The following DIDO1 variants were observed in gnomAD, a reference collection of about 807,000 sequenced individuals.
DIDO1 encodes death-inducer obliterator 1.
Under a neutral mutation model 99.4 loss-of-function variants are expected in DIDO1, and 16 were observed. That is an observed-to-expected ratio of 0.16 (90% confidence interval 0.11 to 0.24). The LOEUF is 0.24. Ranked by LOEUF, DIDO1 falls within the 10% of genes least tolerant of loss-of-function variation. The pLI is 1.00. For missense variants in DIDO1, 2,996 were observed against 3,014.0 expected, an observed-to-expected ratio of 0.99 and a Z score of 0.14; for synonymous variants, 1,366 against 1,239.1, an observed-to-expected ratio of 1.10 and a Z score of -2.15.
In DIDO1 at chr20:62,910,703, T is replaced by G. The variant is rs970717027; in HGVS notation, c.839+71A>C. ...TCATCCAGCCCAGCTTTGTAACCCT[T>G]TAAAATGAAAACAAATGGAAAATTC... is the stretch of plus-strand genomic sequence containing the variant. On this transcript the variant is annotated intron_variant, in intron 3 of 15. Transcript: ENST00000395343. 3 of 1,528,820 alleles carry G rather than the reference T, an allele frequency of 2.0e-6. 1 individual carries two copies. Among genetic ancestry groups the G allele is most frequent in the South Asian group, 2.5e-5 (2 of 80,458 alleles). The allele number at this position is 1,528,820 out of a possible 1,614,324, so 94.7% of individuals were successfully genotyped here. A position where few individuals can be genotyped will look rare whatever the true frequency, so the allele number is the denominator to read the frequency against.
At chr20:62,925,102 C>T (rs74643022) in intron 1 of DIDO1, among the ~76,000 whole-genome samples, 1,735 of 152,274 alleles carry the variant, frequency 0.011, 69 homozygotes, top group East Asian at 0.11. Flanking sequence ...TAGTCACAGA[C>T]ACACATACAC....
Position 62,934,138 on chromosome 20 carries a change from G to T in DIDO1, c.-200+3658C>A, listed in dbSNP as rs148518775. 1.4e-3 allele frequency among the ~76,000 whole-genome samples: 219 copies of T among 152,214 alleles called. 5 individuals carry two copies. In the East Asian group the frequency reaches 0.037, roughly 26 times the overall value. On this transcript the variant is annotated intron_variant, in intron 1 of 15. Coordinates refer to the DIDO1 transcript ENST00000266070. ...ACTGTCCCAGATGCCAACCCGTGTG[G>T]CCCTGCACCCTCTCCTGTCCCGGGA...
At chr20:62,937,291 C>T (rs2065399464) in intron 1 of DIDO1, among the ~76,000 whole-genome samples, 1 of 152,274 alleles carries the variant, frequency 6.6e-6, no homozygotes, top group African/African-American at 2.4e-5. Flanking sequence ...ACAGACTTCG[C>T]ATTCCTCCTG....
chr20:62,930,060 T>C (rs1278131886), upstream of DIDO1, among the ~76,000 whole-genome samples: 2 of 151,908 alleles, frequency 1.3e-5, no homozygotes, highest in African/African-American at 4.8e-5. Context: ...ACCAACATGG[T>C]GAAACCCCAT....
intron 1 of DIDO1, among the ~76,000 whole-genome samples, 195 bp downstream of exon 1, chr20:62,926,244 G>T (rs1292767880): frequency 8.4e-6 from 1 of 118,522 alleles, no homozygotes; most frequent in South Asian, 2.6e-4. Flanking sequence ...GGCTCTGACC[G>T]GCCCCGCCCG....
rs147737323 is a variant in DIDO1, at chr20:62,893,952, C to T, written c.2815G>A (p.Glu939Lys). The change falls in exon 12 of 16, where the codon GAG becomes AAG. Residue 939 changes from glutamate (E) to lysine (K), a missense_variant. Physicochemically the swap from Glu to Lys is moderately conservative, Grantham distance 56. Around this residue, in one of 5 missense-constraint regions of DIDO1, gnomAD observed 898 missense variants for 972.7 expected, o/e 0.92. Transcript: ENST00000395343. ...FPGPPGDGHP[E>K]PSPLEDLSPC... ...GACAGGTCTTCCAGCGGGGAGGGCTCGGGATGGCCATCTCCTGGAGGCCCA... is the reference window on the plus strand; with the variant it reads ...GACAGGTCTTCCAGCGGGGAGGGCTTGGGATGGCCATCTCCTGGAGGCCCA... 3.0e-5 allele frequency: 49 copies of T among 1,612,300 alleles called. 1 individual carries two copies. Among genetic ancestry groups the T allele is most frequent in the South Asian group, 1.4e-4 (13 of 91,062 alleles).
intron 15 of DIDO1, chr20:62,887,774 AC>A (rs2147372837): frequency 1.0e-6 from 1 of 985,150 alleles, no homozygotes; most frequent in Non-Finnish European, 1.2e-6. Flanking sequence ...GGACTCTGCG[AC>A]CCCAAGTCCC....
rs1267480563 is a variant in DIDO1, at chr20:62,894,864, G to A, written c.2382C>T (p.Pro794=). The change falls in exon 10 of 16, where the codon CCC becomes CCT. Residue 794 remains proline, a synonymous_variant. Coordinates refer to ENST00000395343, the MANE Select transcript of DIDO1 (RefSeq NM_001193369.2). The surrounding 1 kb of genome is among the most constrained non-coding windows in gnomAD (Gnocchi z 4.4). ...KLHNESKKTA[P]RQEAIPDLED... is the part of the protein sequence containing the mutation. Reference sequence around the variant, plus strand: ...CCAGATCGGGGATGGCCTCCTGCCTGGGGGCCGTCTTCTTGCTTTCATTGT... The same window carrying A: ...CCAGATCGGGGATGGCCTCCTGCCTAGGGGCCGTCTTCTTGCTTTCATTGT... 2.5e-6 allele frequency: 4 copies of A among 1,613,932 alleles called. No homozygotes were observed. The highest frequency in any genetic ancestry group is 2.2e-5 in the East Asian group (1 of 44,896).
In DIDO1 at chr20:62,880,983, A is replaced by C; in HGVS notation, c.4973T>G (p.Val1658Gly). 1 of 1,605,190 alleles carries C rather than the reference A, an allele frequency of 6.2e-7. No homozygotes were observed. The change falls in exon 16 of 16, where the codon GTG becomes GGG. Residue 1658 changes from valine (V) to glycine (G), a missense_variant. Val to Gly is a moderately radical substitution (Grantham distance 109). Around this residue, in one of 5 missense-constraint regions of DIDO1, gnomAD observed 1,562 missense variants for 1,412.6 expected, o/e 1.11. Coordinates refer to ENST00000395343, the MANE Select transcript of DIDO1 (RefSeq NM_001193369.2). The stretch of plus-strand genomic sequence containing the variant: ...GCCGCAAGGCGGTGTGGGCAGCAGC[A>C]CCCTCCGGGCAGGCCTGGCCGAGCT... ...GDSSARPARR[V>G]LLPTPPCGAL...
Position 62,879,687 on chromosome 20 carries a change from C to A in DIDO1, c.6269G>T (p.Arg2090Leu), listed in dbSNP as rs755584475. The change falls in exon 16 of 16, where the codon CGG becomes CTG. Residue 2090 changes from arginine to leucine, a missense_variant. By Grantham distance (102) the Arg-to-Leu change is moderately radical. Around this residue, in one of 5 missense-constraint regions of DIDO1, gnomAD observed 1,562 missense variants for 1,412.6 expected, o/e 1.11. Transcript: ENST00000395343. This position sits in a 1 kb window ranked among gnomAD's most constrained non-coding sequence, Gnocchi z 6.3. ...NQTFEGRQRERFDVGPKEKPL... is the reference protein window; with the variant it reads ...NQTFEGRQRELFDVGPKEKPL... ...CTTCTCTTTGGGCCCCACGTCAAAC[C>A]GCTCTCTCTGCCTCCCTTCGAAAGT... 4.3e-5 allele frequency: 69 copies of A among 1,610,448 alleles called. No homozygotes were observed. Among genetic ancestry groups the A allele is most frequent in the Non-Finnish European group, 5.4e-5 (64 of 1,179,828 alleles).
chr20:62,929,692 A>AAAAAAAAAAAAAATAT, upstream of DIDO1, among the ~76,000 whole-genome samples: 1 of 63,710 alleles, frequency 1.6e-5, no homozygotes, highest in African/African-American at 7.6e-5. Context: ...AAAAAGAAAA[A>AAAAAAAAAAAAAATAT]GTGTATATAT....
upstream of DIDO1, chr20:62,929,119 C>T (rs1482707507): frequency 6.6e-6 from 1 of 152,252 alleles, no homozygotes; most frequent in East Asian, 1.9e-4. Flanking sequence ...TCGCTTAGTC[C>T]CGTGAAAGCG....
rs999137453 is a variant in DIDO1, at chr20:62,880,927, C to T, written c.5029G>A (p.Asp1677Asn). ...CAGGTGAAAGGGTCCCTCTCACCGT[C>T]GTGCTGCAGCGGGAAGCCGGGCTGC... The part of the protein sequence containing the change: ...ALQPGFPLQH[D>N]GERDPFTCPG... Residue 1677 changes from aspartate to asparagine, a missense_variant, in exon 16 of 16, where the codon GAC becomes AAC. Around this residue, in one of 5 missense-constraint regions of DIDO1, gnomAD observed 1,562 missense variants for 1,412.6 expected, o/e 1.11. Coordinates refer to ENST00000395343, the MANE Select transcript of DIDO1 (RefSeq NM_001193369.2). 9 of 1,609,578 alleles carry T rather than the reference C, an allele frequency of 5.6e-6. No individual in the cohort carries two copies. The highest frequency in any genetic ancestry group is 7.6e-6 in the Non-Finnish European group (9 of 1,179,836).
At position 62,882,144 on chromosome 20, in the gene DIDO1, G is replaced by A. The variant is rs767278364; in HGVS notation, c.3812C>T (p.Pro1271Leu). The change falls in exon 16 of 16, where the codon CCG becomes CTG. Residue 1271 changes from proline (P) to leucine (L), a missense_variant. Physicochemically the swap from Pro to Leu is moderately conservative, Grantham distance 98. Around this residue, in one of 5 missense-constraint regions of DIDO1, gnomAD observed 1,562 missense variants for 1,412.6 expected, o/e 1.11. Coordinates refer to ENST00000395343, the MANE Select transcript of DIDO1 (RefSeq NM_001193369.2). Reference protein sequence around the residue: ...PPPPPPLPEPPVLKVLSSLKP... With the variant: ...PPPPPPLPEPLVLKVLSSLKP... ...GAGGGATGACAGCACTTTTAGCACC[G>A]GTGGTTCTGGAAGAGGGGGCGGAGG... is the stretch of plus-strand genomic sequence containing the variant. The A allele has an allele frequency of 6.1e-5, 99 of 1,613,074 alleles. No individual in the cohort carries two copies. The highest frequency in any genetic ancestry group is 7.4e-5 in the Non-Finnish European group (87 of 1,180,040).
rs926983774 is a variant in DIDO1, at chr20:62,892,455, C to T, written c.3255+354G>A. Among the ~76,000 whole-genome samples, 14 of 152,172 alleles carry T rather than the reference C, an allele frequency of 9.2e-5. No individual in the cohort carries two copies. In the East Asian group the frequency reaches 9.6e-4, roughly 10 times the overall value. ...AAAAGGCCTGCCACGGGGTCATATG[C>T]GCCACCCCGCAAGTGGCCAGGTGTG... On this transcript the variant is annotated intron_variant, in intron 13 of 15. Coordinates refer to ENST00000395343, the MANE Select transcript of DIDO1 (RefSeq NM_001193369.2).
chr20:62,911,577 T>C lies in DIDO1; in HGVS notation c.36A>G (p.Ala12=). ...DDKGDPSNEE[A]PKAIKPTSKE... ...TGCTGGTGGGTTTGATGGCCTTAGG[T>C]GCCTCCTCATTGCTCGGGTCGCCTT... Residue 12 remains alanine, a synonymous_variant, in exon 3 of 16, where the codon GCA becomes GCG. Transcript: ENST00000395343. The surrounding 1 kb of genome is among the most constrained non-coding windows in gnomAD (Gnocchi z 7.0). 6.2e-7 allele frequency: 1 copy of C among 1,602,268 alleles called. No homozygotes were observed. Among genetic ancestry groups the C allele is most frequent in the East Asian group, 2.2e-5 (1 of 44,656 alleles).
chr20:62,892,759 A>G (rs2064426369), intron 13 of DIDO1, 50 bp downstream of exon 13: 2 of 1,563,624 alleles, frequency 1.3e-6, no homozygotes, highest in African/African-American at 1.4e-5. Context: ...TCTAGTTTAG[A>G]AACTCCTATG....
chr20:62,878,809 CGCCTGCAGGTCACGCCCACACCG>C lies in DIDO1; in HGVS notation c.*401_*423del, dbSNP rs1568816689. ...ACTTCTCCCGTAGCCGCAGGGTGGACGCCTGCAGGTCACGCCCACACCGGCCTCCGGGGCGGCGGCTAAGACCT... is the reference window on the plus strand; with the variant it reads ...ACTTCTCCCGTAGCCGCAGGGTGGACGCCTCCGGGGCGGCGGCTAAGACCT... On this transcript the variant is annotated 3_prime_UTR_variant, in exon 16 of 16. Coordinates refer to ENST00000395343, the MANE Select transcript of DIDO1 (RefSeq NM_001193369.2). 2 of 158,198 alleles carry C rather than the reference CGCCTGCAGGTCACGCCCACACCG, an allele frequency of 1.3e-5. No individual in the cohort carries two copies. Among genetic ancestry groups the C allele is most frequent in the East Asian group, 3.7e-4 (2 of 5,414 alleles). The allele number at this position is 158,198 out of a possible 1,614,324, so 9.8% of individuals were successfully genotyped here.
intron 15 of DIDO1, among the ~76,000 whole-genome samples, 197 bp from the exon 16 acceptor site, chr20:62,882,611 C>CGCACCGCCCCGGGAAG (rs965369962): frequency 1.3e-5 from 2 of 152,074 alleles, no homozygotes; most frequent in African/African-American, 4.8e-5. Flanking sequence ...GCCCCGGGAA[C>CGCACCGCCCCGGGAAG]GAGCTGGGAA....
Sources: allele counts gnomAD v4.1 joint callset (sites outside exome capture counted in the v4.1 genomes callset), GRCh38; gene constraint gnomAD v4.1.1; regional missense constraint gnomAD v4.1.1; non-coding constraint Gnocchi (gnomAD v3.1); transcripts MANE v1.5; gene names NCBI Gene and HGNC (gene_info 2026-07-23, HGNC 2026-07-21).